Variants in PDE7B observed in about 807,000 individuals in gnomAD.
PDE7B encodes 3',5'-cyclic-AMP phosphodiesterase 7B.
PDE7B carries 29 observed loss-of-function variants against 56.2 expected under a neutral mutation model. The observed-to-expected ratio is 0.52, with a 90% CI of 0.38 to 0.70. PDE7B has a LOEUF of 0.70. Among genes scored for constraint, PDE7B ranks in the 30% least tolerant of loss-of-function variants. The probability of loss-of-function intolerance (pLI) is 0.00; values close to 1 mark genes in which losing one functional copy is unlikely to be tolerated. For synonymous variants in PDE7B, 197 were observed against 196.9 expected (o/e 1.00, Z 0.00); for missense variants, 490 against 565.0 (o/e 0.87, Z 1.35).
intron 2 of PDE7B, among the ~76,000 whole-genome samples, chr6:135,955,195 C>T (rs1380815161): frequency 1.3e-5 from 2 of 151,974 alleles, no homozygotes; most frequent in African/African-American, 4.8e-5. Flanking sequence ...TCAGCAAGCT[C>T]CCAATCTAGT....
intron 1 of PDE7B, 74 bp from the exon 2 acceptor site, chr6:135,947,390 G>A: frequency 8.9e-7 from 1 of 1,121,782 alleles, no homozygotes; most frequent in South Asian, 1.3e-5. Flanking sequence ...GGTAATGTCA[G>A]GTCACATGGA....
chr6:136,155,487 T>C, intron 7 of PDE7B, 140 bp from the exon 8 acceptor site: 1 of 693,302 alleles, frequency 1.4e-6, no homozygotes, highest in South Asian at 1.9e-5. Flanking sequence ...ATCACCTCAT[T>C]TAATGCTTCA....
chr6:135,880,399 T>G (rs368150147), intron 1 of PDE7B, among the ~76,000 whole-genome samples: 2 of 152,286 alleles, frequency 1.3e-5, no homozygotes. Context: ...AAACATCATA[T>G]GTTTAGATGG....
intron 1 of PDE7B, among the ~76,000 whole-genome samples, chr6:135,916,317 C>T (rs1773936305): frequency 6.6e-6 from 1 of 151,176 alleles, no homozygotes; most frequent in South Asian, 2.1e-4. Context: ...GCTTATTGCC[C>T]ATTTGTATTT....
intron 2 of PDE7B, among the ~76,000 whole-genome samples, chr6:136,103,374 T>C (rs944262456): frequency 1.2e-4 from 18 of 152,228 alleles, no homozygotes; most frequent in Admixed American, 2.0e-4. Flanking sequence ...GTGATTAAAT[T>C]GCACAACCTT....
At chr6:135,855,761 G>A (rs1038110421) in intron 1 of PDE7B, among the ~76,000 whole-genome samples, 4 of 152,156 alleles carry the variant, frequency 2.6e-5, no homozygotes, top group African/African-American at 9.7e-5. Context: ...ACTATGGGCA[G>A]CCAAGGTCCC....
intron 2 of PDE7B, among the ~76,000 whole-genome samples, chr6:135,980,692 A>T (rs1159311079): frequency 6.6e-6 from 1 of 151,204 alleles, no homozygotes; most frequent in Non-Finnish European, 1.5e-5. Context: ...AATGCTCACC[A>T]TCACTGGCCA....
intron 2 of PDE7B, among the ~76,000 whole-genome samples, chr6:136,047,991 T>C (rs532529682): frequency 1.3e-5 from 2 of 152,358 alleles, no homozygotes; most frequent in South Asian, 4.1e-4. Flanking sequence ...GTTTGGTGCC[T>C]ATCATGTGCC....
At chr6:136,112,576 A>T (rs1335266948) in intron 3 of PDE7B, 1 of 152,064 alleles carries the variant, frequency 6.6e-6, no homozygotes, top group Non-Finnish European at 1.5e-5. Flanking sequence ...TGACAAAGCC[A>T]CAAGCACATT....
chr6:135,906,514 G>C (rs377699861), intron 1 of PDE7B, among the ~76,000 whole-genome samples: 6 of 152,140 alleles, frequency 3.9e-5, no homozygotes, highest in East Asian at 3.9e-4. Flanking sequence ...AGAACTTACA[G>C]CTCTTGCCCA....
chr6:136,048,531 A>G (rs2128210856), intron 2 of PDE7B, among the ~76,000 whole-genome samples: 1 of 152,202 alleles, frequency 6.6e-6, no homozygotes, highest in East Asian at 1.9e-4. Flanking sequence ...AGGCCAAGTT[A>G]TGGGGTATAA....
At position 136,179,021 on chromosome 6, in the gene PDE7B, C is replaced by T. The variant is rs1300704769; in HGVS notation, c.828C>T (p.Gly276=). 6 of 1,614,124 alleles carry T rather than the reference C, an allele frequency of 3.7e-6. No homozygotes were observed. Among genetic ancestry groups the T allele is most frequent in the Non-Finnish European group, 4.2e-6 (5 of 1,179,974 alleles). ...EMTQDIEQQL[G]SLILATDINR... Reference sequence around the variant, plus strand: ...GACAGGATATTGAACAGCAGCTGGGCTCCTTGATCTTGGCAACAGACATCA... The same window carrying T: ...GACAGGATATTGAACAGCAGCTGGGTTCCTTGATCTTGGCAACAGACATCA... Residue 276 remains glycine (G), a synonymous_variant, in exon 10 of 13, where the codon GGC becomes GGT. Transcript: ENST00000308191.
intron 2 of PDE7B, among the ~76,000 whole-genome samples, chr6:136,078,662 A>G (rs1339612479): frequency 6.6e-6 from 1 of 152,142 alleles, no homozygotes; most frequent in African/African-American, 2.4e-5. Context: ...AGCAGAAGGT[A>G]CACATCTTTA....
chr6:135,991,975 A>G (rs764477774), intron 2 of PDE7B: 2 of 152,230 alleles, frequency 1.3e-5, no homozygotes, highest in Non-Finnish European at 2.9e-5. Flanking sequence ...CTTAATCCAC[A>G]AAAGAGCTTC....
chr6:136,103,388 CCT>C (rs1419093005), intron 2 of PDE7B, among the ~76,000 whole-genome samples: 1 of 152,202 alleles, frequency 6.6e-6, no homozygotes, highest in African/African-American at 2.4e-5. Flanking sequence ...CAACCTTCCT[CCT>C]CTCTTTTAGG....
intron 1 of PDE7B, among the ~76,000 whole-genome samples, chr6:135,938,245 G>A (rs9373156): frequency 0.34 from 52,374 of 152,112 alleles, 9,482 homozygotes; most frequent in Admixed American, 0.49. Context: ...AAAAATGACT[G>A]TATATAAGTG....
At chr6:136,011,755 T>A (rs930627620) in intron 2 of PDE7B, among the ~76,000 whole-genome samples, 3 of 152,176 alleles carry the variant, frequency 2.0e-5, no homozygotes, top group Non-Finnish European at 1.5e-5. Flanking sequence ...TAGAGCCTCA[T>A]CGCTGACATT....
At chr6:136,005,012 A>G (rs1427001778) in intron 2 of PDE7B, among the ~76,000 whole-genome samples, 1 of 152,260 alleles carries the variant, frequency 6.6e-6, no homozygotes, top group Admixed American at 6.5e-5. Flanking sequence ...AGAGATATAG[A>G]TCAATGGAAC....
At chr6:136,147,884 A>G (rs1180701337) in intron 4 of PDE7B, among the ~76,000 whole-genome samples, 1 of 152,232 alleles carries the variant, frequency 6.6e-6, no homozygotes, top group Non-Finnish European at 1.5e-5. Flanking sequence ...CAGCTACACT[A>G]AAAATAACCC....
Sources: allele counts gnomAD v4.1 joint callset (sites outside exome capture counted in the v4.1 genomes callset), GRCh38; gene constraint gnomAD v4.1.1; transcripts MANE v1.5; gene names NCBI Gene and HGNC (gene_info 2026-07-23, HGNC 2026-07-21).